Variants in YIPF3 observed in about 807,000 individuals in gnomAD.
YIPF3 encodes Yip1 domain family member 3, also known as protein YIPF3.
Under a neutral mutation model 40.3 loss-of-function variants are expected in YIPF3, and 18 were observed. The ratio of observed to expected loss-of-function variants is 0.45; its 90% CI spans 0.31 to 0.66. YIPF3 has a LOEUF of 0.66. YIPF3 is among the 30% of genes least tolerant of loss of function. The probability of loss-of-function intolerance (pLI) is 0.07; values close to 1 mark genes in which losing one functional copy is unlikely to be tolerated. For synonymous variants in YIPF3, 190 were observed against 179.6 expected (o/e 1.06, Z -0.46); for missense variants, 406 against 452.2 (o/e 0.90, Z 0.93).
At position 43,511,996 on chromosome 6, in the gene YIPF3, C is replaced by T; in HGVS notation, c.*171G>A. 9.1e-7 allele frequency: 1 copy of T among 1,093,072 alleles called. No homozygotes were observed. The highest frequency in any genetic ancestry group is 1.3e-6 in the Non-Finnish European group (1 of 771,766). 67.7% of individuals were successfully genotyped at this position (1,093,072 alleles called of 1,614,324 possible). Reference sequence around the variant, plus strand: ...TGCAGTCCTGGCCAGGAGTTCTTGGCCTTGTGCCTTTCAGAAGTGCCGACA... The same window carrying T: ...TGCAGTCCTGGCCAGGAGTTCTTGGTCTTGTGCCTTTCAGAAGTGCCGACA... On this transcript the variant is annotated 3_prime_UTR_variant, in exon 9 of 9. Coordinates refer to ENST00000372422, the MANE Select transcript of YIPF3 (RefSeq NM_015388.4).
In YIPF3 at chr6:43,516,718, G is replaced by A. The variant is rs372010767; in HGVS notation, c.81+9C>T. ...CGGCTGCTGGCAGCTGGTGCCTTGG[G>A]GCCATTACCTGGATGTTTTCTTCGA... is the stretch of plus-strand genomic sequence containing the variant. On this transcript the variant is annotated intron_variant, in intron 1 of 8. Coordinates refer to ENST00000372422, the MANE Select transcript of YIPF3 (RefSeq NM_015388.4). 3 of 1,612,470 alleles carry A rather than the reference G, an allele frequency of 1.9e-6. No individual in the cohort carries two copies. Among genetic ancestry groups the A allele is most frequent in the Non-Finnish European group, 2.5e-6 (3 of 1,179,854 alleles).
rs746248391 is a variant in YIPF3 at position 43,512,169 on chromosome 6, A to G, written c.1051T>C (p.Ter351ArgextTer21). The G allele has an allele frequency of 6.2e-7, 1 of 1,614,216 alleles. No individual in the cohort carries two copies. The highest frequency in any genetic ancestry group is 2.2e-5 in the East Asian group (1 of 44,878). Reference sequence around the variant, plus strand: ...CTGGCCAAGAATTTCAGGTGGGGTCAGTGTGACTGCAGGGTCACCGCAACA... The same window carrying G: ...CTGGCCAAGAATTTCAGGTGGGGTCGGTGTGACTGCAGGGTCACCGCAACA... ...KAVAVTLQSH[*>R] Residue 351 changes from the stop codon to arginine (R), a stop_lost, in exon 9 of 9, where the codon TGA becomes CGA. Transcript: ENST00000372422.
In YIPF3 at chr6:43,512,500, C is replaced by G. The variant is rs1291474297; in HGVS notation, c.844G>C (p.Ala282Pro). Reference sequence around the variant, plus strand: ...AGCAGGAAGAGCATGTGTAGGGCAGCCAGGGTGCCACAGAGGAGCAGCCGC... The same window carrying G: ...AGCAGGAAGAGCATGTGTAGGGCAGGCAGGGTGCCACAGAGGAGCAGCCGC... The part of the protein sequence containing the change: ...TQRLLLCGTL[A>P]ALHMLFLLYL... The change falls in exon 8 of 9, where the codon GCT becomes CCT. Residue 282 changes from alanine to proline, a missense_variant. By Grantham distance (27) the Ala-to-Pro change is conservative. Transcript: ENST00000372422. 1 of 1,613,580 alleles carries G rather than the reference C, an allele frequency of 6.2e-7. No homozygotes were observed. The highest frequency in any genetic ancestry group is 8.5e-7 in the Non-Finnish European group (1 of 1,179,992).
intron 1 of YIPF3, chr6:43,516,299 C>T: frequency 8.4e-7 from 1 of 1,194,384 alleles, no homozygotes; most frequent in Non-Finnish European, 1.1e-6. Context: ...CCTGGGAAAC[C>T]TACTAGTCTT....
chr6:43,516,861 G>T lies in YIPF3; in HGVS notation c.-54C>A, dbSNP rs1792854430. On this transcript the variant is annotated 5_prime_UTR_variant, in exon 1 of 9. Transcript: ENST00000372422. ...CCGCGCTAGCCCCGCGCGCGGAGTGGGCAAGATGTGGGCCTCCGGAAGGTA... is the reference window on the plus strand; with the variant it reads ...CCGCGCTAGCCCCGCGCGCGGAGTGTGCAAGATGTGGGCCTCCGGAAGGTA... 11 of 1,539,764 alleles carry T rather than the reference G, an allele frequency of 7.1e-6. No individual in the cohort carries two copies. Among genetic ancestry groups the T allele is most frequent in the Non-Finnish European group, 9.7e-6 (11 of 1,135,786 alleles).
intron 2 of YIPF3, 24 bp from the exon 3 acceptor site, chr6:43,515,725 G>A (rs764323086): frequency 1.2e-6 from 2 of 1,613,178 alleles, no homozygotes; most frequent in South Asian, 2.2e-5. Flanking sequence ...GATGGGCATA[G>A]GTATTGTGGT....
At position 43,512,559 on chromosome 6, in the gene YIPF3, G is replaced by C. The variant is rs1247047588; in HGVS notation, c.785C>G (p.Ala262Gly). ...GCCCACGGTCCGAGACACCAACACT[G>C]CTACCTAGGACCATGAGAATACAGC... ...VGGLSTLRMV[A>G]VLVSRTVGPT... Residue 262 changes from alanine (A) to glycine (G), a missense_variant, in exon 8 of 9, where the codon GCA becomes GGA. By Grantham distance (60) the Ala-to-Gly change is moderately conservative. Coordinates refer to ENST00000372422, the MANE Select transcript of YIPF3 (RefSeq NM_015388.4). 2 of 1,610,326 alleles carry C rather than the reference G, an allele frequency of 1.2e-6. No individual in the cohort carries two copies. Among genetic ancestry groups the C allele is most frequent in the Non-Finnish European group, 1.7e-6 (2 of 1,179,124 alleles).
rs757746073 is a variant in YIPF3 at position 43,516,737 on chromosome 6, T to A, written c.71A>T (p.Glu24Val). 1 of 1,612,564 alleles carries A rather than the reference T, an allele frequency of 6.2e-7. No homozygotes were observed. Among genetic ancestry groups the A allele is most frequent in the Non-Finnish European group, 8.5e-7 (1 of 1,179,514 alleles). The change falls in exon 1 of 9, where the codon GAA becomes GTA. Residue 24 changes from glutamate (E) to valine (V), a missense_variant. By Grantham distance (121) the Glu-to-Val change is moderately radical (BLOSUM62 -2). Transcript: ENST00000372422. ...GAGPEWGGFE[E>V]NIQGGGSAVI... Reference sequence around the variant, plus strand: ...CCTTGGGGCCATTACCTGGATGTTTTCTTCGAACCCTCCCCATTCCGGGCC... The same window carrying A: ...CCTTGGGGCCATTACCTGGATGTTTACTTCGAACCCTCCCCATTCCGGGCC...
Position 43,516,313 on chromosome 6 carries a change from T to G in YIPF3, c.82-218A>C. On this transcript the variant is annotated intron_variant, in intron 1 of 8. Coordinates refer to ENST00000372422, the MANE Select transcript of YIPF3 (RefSeq NM_015388.4). ...GCCTGGGAAACCTACTAGTCTTCCA[T>G]TCATGTCTTTCTCCTATGTTACCTA... is the stretch of plus-strand genomic sequence containing the variant. 3.8e-6 allele frequency: 4 copies of G among 1,062,290 alleles called. No individual in the cohort carries two copies. The South Asian group carries it at 7.0e-5, about 19-fold the overall frequency. 65.8% of individuals were successfully genotyped at this position (1,062,290 alleles called of 1,614,324 possible).
chr6:43,513,589 T>G lies in YIPF3; in HGVS notation c.440A>C (p.Gln147Pro). 1 of 1,582,278 alleles carries G rather than the reference T, an allele frequency of 6.3e-7. No homozygotes were observed. Among genetic ancestry groups the G allele is most frequent in the Admixed American group, 1.8e-5 (1 of 56,538 alleles). The change falls in exon 4 of 9, where the codon CAG (glutamine) becomes CCG (proline). Residue 147 changes from glutamine (Q) to proline (P), a missense_variant and splice_region_variant. Coordinates refer to ENST00000372422, the MANE Select transcript of YIPF3 (RefSeq NM_015388.4). ...MIPIKMVNFP[Q>P]KIAGELYGPL... ...CCAGACATGCCACCCTCTATTCACC[T>G]GGGGGAAGTTGACCATCTTGATAGG...
intron 1 of YIPF3, chr6:43,516,316 AT>A (rs1792828373): frequency 9.5e-7 from 1 of 1,056,422 alleles, no homozygotes; most frequent in African/African-American, 1.6e-5. Flanking sequence ...TCTTCCATTC[AT>A]GTCTTTCTCC....
At chr6:43,515,481 G>T in intron 3 of YIPF3, 114 bp downstream of exon 3, 1 of 965,418 alleles carries the variant, frequency 1.0e-6, no homozygotes, top group Non-Finnish European at 1.7e-6. Flanking sequence ...GATGAGAGGT[G>T]ATGGGGTCAT....
chr6:43,512,119 C>G lies in YIPF3; in HGVS notation c.*48G>C. ...GGACTGTCCTTTAATAGTCTTCCTC[C>G]TCTCTGCAGCTGCGGGAAAGAGGAC... On this transcript the variant is annotated 3_prime_UTR_variant, in exon 9 of 9. Coordinates refer to ENST00000372422, the MANE Select transcript of YIPF3 (RefSeq NM_015388.4). 1.2e-6 allele frequency: 2 copies of G among 1,612,046 alleles called. No homozygotes were observed. Among genetic ancestry groups the G allele is most frequent in the Non-Finnish European group, 1.7e-6 (2 of 1,178,944 alleles).
intron 2 of YIPF3, 45 bp downstream of exon 2, chr6:43,515,844 A>G (rs753714036): frequency 5.7e-6 from 9 of 1,585,340 alleles, no homozygotes; most frequent in Non-Finnish European, 7.7e-6. Flanking sequence ...CACGGGACAT[A>G]CCTAGGTCTA....
At chr6:43,512,647 T>A (rs779599868) in intron 7 of YIPF3, 84 bp from the exon 8 acceptor site, 16 of 1,540,526 alleles carry the variant, frequency 1.0e-5, no homozygotes, top group Non-Finnish European at 1.4e-5. Context: ...GGCAGAACCA[T>A]CTTTGGGCTC....
rs546273356 is a variant in YIPF3, at chr6:43,512,080, G to A, written c.*87C>T. ...AGTGGCAGCTGCAAACCCCATCTAC[G>A]AAACATGTCATCAGGACTGTCCTTT... is the stretch of plus-strand genomic sequence containing the variant. On this transcript the variant is annotated 3_prime_UTR_variant, in exon 9 of 9. Coordinates refer to ENST00000372422, the MANE Select transcript of YIPF3 (RefSeq NM_015388.4). 9.8e-4 allele frequency: 1,542 copies of A among 1,569,782 alleles called. No homozygotes were observed. The highest frequency in any genetic ancestry group is 1.1e-3 in the Non-Finnish European group (1,325 of 1,154,810).
chr6:43,515,830 A>G, intron 2 of YIPF3, 59 bp downstream of exon 2: 2 of 1,590,438 alleles, frequency 1.3e-6, no homozygotes, highest in Non-Finnish European at 1.7e-6. Context: ...CACCAATTCC[A>G]GAACACGGGA....
intron 1 of YIPF3, 186 bp downstream of exon 1, chr6:43,516,541 G>C (rs1792838962): frequency 5.8e-6 from 4 of 688,170 alleles, no homozygotes; most frequent in Non-Finnish European, 9.4e-6. Flanking sequence ...GAGATCCTCA[G>C]GCTGGAGTAG....
rs369829597 is a variant in YIPF3, at chr6:43,512,189, G to C, written c.1031C>G (p.Ala344Gly). ...GGGTCAGTGTGACTGCAGGGTCACC[G>C]CAACAGCTTTGGCTGTGGCGTTGAG... Reference protein sequence around the residue: ...TVLNATAKAVAVTLQSH With the variant: ...TVLNATAKAVGVTLQSH The change falls in exon 9 of 9, where the codon GCG becomes GGG. Residue 344 changes from alanine to glycine, a missense_variant. Coordinates refer to ENST00000372422, the MANE Select transcript of YIPF3 (RefSeq NM_015388.4). The C allele has an allele frequency of 5.0e-6, 8 of 1,614,118 alleles. No homozygotes were observed. Among genetic ancestry groups the C allele is most frequent in the African/African-American group, 1.3e-5 (1 of 74,938 alleles).
Sources: gnomAD v4.1 joint callset for allele counts on GRCh38, gnomAD v4.1.1 for gene constraint, MANE v1.5 for transcripts, NCBI Gene and HGNC (gene_info 2026-07-23, HGNC 2026-07-21) for gene names.